Variants in FBXL13 observed in about 807,000 individuals in gnomAD.
The protein encoded by FBXL13 is F-box and leucine rich repeat protein 13, also known as F-box and leucine-rich repeat protein 13.
FBXL13 carries 67 observed loss-of-function variants against 83.6 expected under a neutral mutation model. That is an observed-to-expected ratio of 0.80 (90% CI 0.66 to 0.98). FBXL13 has a LOEUF of 0.98. Ranked by LOEUF, FBXL13 falls within the 50% of genes least tolerant of loss-of-function variation. The probability of loss-of-function intolerance (pLI) is 0.00; values close to 1 mark genes in which losing one functional copy is unlikely to be tolerated. For synonymous variants in FBXL13, 272 were observed against 299.5 expected (o/e 0.91, Z 0.95); for missense variants, 822 against 866.5 (o/e 0.95, Z 0.64).
intron 10 of FBXL13, among the ~76,000 whole-genome samples, chr7:102,925,311 T>C (rs1331060063): frequency 6.6e-6 from 1 of 151,992 alleles, no homozygotes; most frequent in Non-Finnish European, 1.5e-5. Context: ...GGGAGGATTG[T>C]TTGAAGCCAG....
chr7:102,955,625 A>T (rs1350024030), intron 8 of FBXL13, among the ~76,000 whole-genome samples: 1 of 151,992 alleles, frequency 6.6e-6, no homozygotes, highest in Admixed American at 6.5e-5. Flanking sequence ...GATCAACAGA[A>T]TTGACAGACT....
At chr7:102,842,841 C>T (rs1803201075) in intron 17 of FBXL13, among the ~76,000 whole-genome samples, 1 of 152,226 alleles carries the variant, frequency 6.6e-6, no homozygotes, top group Non-Finnish European at 1.5e-5. Flanking sequence ...TCTGAACCCT[C>T]AGTTTCTACT....
chr7:102,948,033 T>C (rs528089689), intron 8 of FBXL13, among the ~76,000 whole-genome samples: 18 of 152,148 alleles, frequency 1.2e-4, no homozygotes, highest in African/African-American at 3.9e-4. Flanking sequence ...CTCTGGCAAA[T>C]TGGCAAATCA....
At chr7:102,941,377 T>G (rs777681284) in intron 8 of FBXL13, among the ~76,000 whole-genome samples, 42 of 152,156 alleles carry the variant, frequency 2.8e-4, no homozygotes, top group Non-Finnish European at 4.6e-4. Flanking sequence ...CCCCCTATGA[T>G]TCCATCTCCA....
intron 1 of FBXL13, among the ~76,000 whole-genome samples, chr7:103,065,857 G>A (rs1221748514): frequency 6.6e-6 from 1 of 152,222 alleles, no homozygotes; most frequent in Non-Finnish European, 1.5e-5. Flanking sequence ...GTGAGCAGAC[G>A]CCCCCTGCTG....
intron 6 of FBXL13, among the ~76,000 whole-genome samples, chr7:103,013,130 TA>T (rs1791835512): frequency 6.6e-6 from 1 of 152,184 alleles, no homozygotes; most frequent in African/African-American, 2.4e-5. Context: ...CCCAGATTCA[TA>T]AAGTCAGTTC....
At chr7:102,890,136 C>T (rs542249252) in intron 11 of FBXL13, among the ~76,000 whole-genome samples, 3 of 152,242 alleles carry the variant, frequency 2.0e-5, no homozygotes, top group South Asian at 2.1e-4. Flanking sequence ...ATATTCCTCC[C>T]AGAATCTTTT....
At chr7:103,066,274 C>T (rs1286827111) in intron 1 of FBXL13, among the ~76,000 whole-genome samples, 2 of 152,194 alleles carry the variant, frequency 1.3e-5, no homozygotes, top group African/African-American at 4.8e-5. Context: ...CAGCAGAGTA[C>T]TTCATTTCTT....
At chr7:102,914,131 G>C (rs1815333501) in intron 10 of FBXL13, among the ~76,000 whole-genome samples, 1 of 152,148 alleles carries the variant, frequency 6.6e-6, no homozygotes, top group Admixed American at 6.5e-5. Flanking sequence ...TGAGATCTTG[G>C]CTCACTGCAA....
intron 8 of FBXL13, chr7:102,933,919 T>C (rs772339844): frequency 1.9e-6 from 3 of 1,601,060 alleles, no homozygotes; most frequent in Admixed American, 1.7e-5. Context: ...TCAGGATGCG[T>C]GTGGTTACCA....
intron 19 of FBXL13, among the ~76,000 whole-genome samples, chr7:102,814,806 TTC>T (rs1399517548): frequency 6.6e-6 from 1 of 152,248 alleles, no homozygotes; most frequent in Admixed American, 6.5e-5. Context: ...ATGTTTTGCA[TTC>T]TGTTAATTTT....
chr7:103,002,087 C>A (rs1790460390), intron 6 of FBXL13, among the ~76,000 whole-genome samples: 2 of 152,144 alleles, frequency 1.3e-5, no homozygotes, highest in East Asian at 3.9e-4. Context: ...TCCTTTTTTA[C>A]TGTCTTCCTT....
intron 2 of FBXL13, among the ~76,000 whole-genome samples, chr7:103,032,983 T>C (rs1375901671): frequency 6.6e-6 from 1 of 152,108 alleles, no homozygotes; most frequent in Non-Finnish European, 1.5e-5. Context: ...CAAGCTATGA[T>C]TGTGCCACTG....
At chr7:103,074,147 G>A in intron 1 of FBXL13, 1 of 780,776 alleles carries the variant, frequency 1.3e-6, no homozygotes, top group Non-Finnish European at 1.6e-6. Flanking sequence ...CTTCACAAAG[G>A]GCTGACTACA....
intron 6 of FBXL13, among the ~76,000 whole-genome samples, chr7:102,989,697 T>C (rs996834244): frequency 9.8e-5 from 15 of 152,354 alleles, no homozygotes; most frequent in African/African-American, 3.6e-4. Context: ...TAGTATCCTT[T>C]GTCAGTGATC....
At chr7:103,025,074 C>G in exon 6 of FBXL13, 1 of 1,609,060 alleles carries the variant, frequency 6.2e-7, no homozygotes, top group Non-Finnish European at 8.5e-7. Flanking sequence ...TGTAATATTG[C>G]TCTTTCAGGT....
chr7:102,840,325 A>G (rs536351864), intron 17 of FBXL13, among the ~76,000 whole-genome samples: 85 of 152,360 alleles, frequency 5.6e-4, no homozygotes, highest in Non-Finnish European at 1.0e-3. Flanking sequence ...TGGCAATCAG[A>G]TATTTTTCTT....
Position 102,913,234 on chromosome 7 carries a change from G to T in FBXL13, c.879-19C>A. 4 of 1,613,850 alleles carry T rather than the reference G, an allele frequency of 2.5e-6. No individual in the cohort carries two copies. Among genetic ancestry groups the T allele is most frequent in the Non-Finnish European group, 3.4e-6 (4 of 1,179,870 alleles). On this transcript the variant is annotated intron_variant, in intron 10 of 19. Coordinates refer to ENST00000313221, the Ensembl canonical transcript of FBXL13. Reference sequence around the variant, plus strand: ...GAAGTGCCTGAAAAGACAAAAGAGAGGAAGGAAAGTATTATACTTCCGTTG... The same window carrying T: ...GAAGTGCCTGAAAAGACAAAAGAGATGAAGGAAAGTATTATACTTCCGTTG...
intron 2 of FBXL13, among the ~76,000 whole-genome samples, chr7:103,039,544 A>G (rs1795439520): frequency 6.6e-6 from 1 of 152,176 alleles, no homozygotes; most frequent in African/African-American, 2.4e-5. Context: ...CAAGGTTGAA[A>G]TGAGGGAAAA....
Sources: gnomAD v4.1 joint callset for allele counts (sites outside exome capture counted in the v4.1 genomes callset) on GRCh38, gnomAD v4.1.1 for gene constraint, MANE v1.5 for transcripts, NCBI Gene and HGNC (gene_info 2026-07-23, HGNC 2026-07-21) for gene names.